SCAPER: variants seen among roughly 807,000 people sequenced by gnomAD.
The protein encoded by SCAPER is S-phase cyclin A associated protein in the ER.
SCAPER carries 98 observed loss-of-function variants against 182.2 expected under a neutral mutation model. The ratio of observed to expected loss-of-function variants is 0.54; its 90% CI spans 0.46 to 0.64. SCAPER has a LOEUF of 0.64. SCAPER is among the 30% of genes least tolerant of loss of function. The pLI, the probability that SCAPER is intolerant of heterozygous loss-of-function variation, is 0.00. For missense variants in SCAPER, 1,432 were observed against 1,690.0 expected, an observed-to-expected ratio of 0.85 and a Z score of 2.68; for synonymous variants, 605 against 564.6, an observed-to-expected ratio of 1.07 and a Z score of -1.01.
chr15:76,827,273 C>T (rs534953482), intron 5 of SCAPER, among the ~76,000 whole-genome samples: 1 of 152,298 alleles, frequency 6.6e-6, no homozygotes, highest in East Asian at 1.9e-4. Flanking sequence ...TTGCATTATG[C>T]CAGTTCCCAA....
chr15:76,708,734 A>G (rs2059403895), intron 17 of SCAPER, among the ~76,000 whole-genome samples: 1 of 152,202 alleles, frequency 6.6e-6, no homozygotes, highest in Non-Finnish European at 1.5e-5. Flanking sequence ...AGCTAGACTA[A>G]TAAGAAAGAA....
At chr15:76,511,871 G>GTGTA (rs1254821810) in intron 23 of SCAPER, among the ~76,000 whole-genome samples, 3 of 100,692 alleles carry the variant, frequency 3.0e-5, no homozygotes, top group African/African-American at 8.3e-5. Flanking sequence ...GTGTGTGTGT[G>GTGTA]TATATATATA....
In SCAPER at chr15:76,393,476, T is replaced by C. The variant is rs543539705; in HGVS notation, c.3467+11048A>G. On this transcript the variant is annotated intron_variant, in intron 27 of 31. Transcript: ENST00000563290. ...AATATTTAGGAATGGGCTGACAGTA[T>C]CAAATAAGAGACTGCAGAGAGAATA... 3.3e-5 allele frequency among the ~76,000 whole-genome samples: 5 copies of C among 152,280 alleles called. No individual in the cohort carries two copies. The East Asian group carries it at 9.6e-4, about 29-fold the overall frequency.
At chr15:76,605,084 C>T (rs2050261535) in intron 22 of SCAPER, among the ~76,000 whole-genome samples, 1 of 152,194 alleles carries the variant, frequency 6.6e-6, no homozygotes, top group Admixed American at 6.5e-5. Flanking sequence ...TGAGAGGGGG[C>T]ATCCCTGTCT....
chr15:76,781,001 C>T (rs1001994992), intron 8 of SCAPER, among the ~76,000 whole-genome samples: 7 of 152,138 alleles, frequency 4.6e-5, no homozygotes, highest in East Asian at 1.9e-4. Context: ...CACAGCTCCC[C>T]GCCAGCAATG....
At chr15:76,841,678 C>A (rs1480729475) in intron 5 of SCAPER, 56 bp downstream of exon 5, 2 of 1,559,052 alleles carry the variant, frequency 1.3e-6, no homozygotes, top group Admixed American at 1.9e-5. Flanking sequence ...TCACATGTAG[C>A]AAAAATTCAA....
At chr15:76,647,328 T>C (rs2054629955) in intron 21 of SCAPER, among the ~76,000 whole-genome samples, 2 of 152,228 alleles carry the variant, frequency 1.3e-5, no homozygotes, top group Admixed American at 1.3e-4. Context: ...ATTGAGTAAC[T>C]AGTATCATAT....
chr15:76,628,093 G>C (rs1373550255), intron 21 of SCAPER, among the ~76,000 whole-genome samples: 2 of 152,158 alleles, frequency 1.3e-5, no homozygotes, highest in African/African-American at 4.8e-5. Flanking sequence ...GTCTTCTTTT[G>C]AGAAGTGTCT....
chr15:76,766,105 A>ATTTG (rs2063098349), intron 11 of SCAPER, among the ~76,000 whole-genome samples: 1 of 151,558 alleles, frequency 6.6e-6, no homozygotes, highest in Non-Finnish European at 1.5e-5. Flanking sequence ...TTATTTATTT[A>ATTTG]TTTATTTTTA....
intron 6 of SCAPER, among the ~76,000 whole-genome samples, chr15:76,803,578 A>G (rs1241266098): frequency 2.0e-5 from 3 of 152,192 alleles, no homozygotes; most frequent in African/African-American, 7.2e-5. Flanking sequence ...TATTTCTCAT[A>G]GTTCTGGATG....
At chr15:76,764,473 T>C (rs752358369) in intron 14 of SCAPER, among the ~76,000 whole-genome samples, 5 of 152,244 alleles carry the variant, frequency 3.3e-5, no homozygotes, top group Non-Finnish European at 7.3e-5. Flanking sequence ...TGTGCATGGC[T>C]ATTTGGCCCA....
At chr15:76,466,999 G>T (rs2049719406) in intron 25 of SCAPER, among the ~76,000 whole-genome samples, 1 of 152,030 alleles carries the variant, frequency 6.6e-6, no homozygotes, top group Admixed American at 6.6e-5. Context: ...TTTCCCCCTT[G>T]CTGTTCTTGT....
At chr15:76,567,306 A>C (rs1411149307) in intron 23 of SCAPER, 1 of 452,828 alleles carries the variant, frequency 2.2e-6, no homozygotes, top group African/African-American at 2.0e-5. Flanking sequence ...GGATTCTTGC[A>C]CTATTTTCCA....
At chr15:76,480,158 G>C (rs542107886) in intron 24 of SCAPER, among the ~76,000 whole-genome samples, 3 of 152,146 alleles carry the variant, frequency 2.0e-5, no homozygotes, top group Non-Finnish European at 4.4e-5. Flanking sequence ...TTTCCAATTC[G>C]TTAGGAAAGG....
intron 24 of SCAPER, among the ~76,000 whole-genome samples, chr15:76,483,222 A>G (rs2051292143): frequency 6.6e-6 from 1 of 151,982 alleles, no homozygotes; most frequent in South Asian, 2.1e-4. Context: ...GACCTTTGAT[A>G]AAGGAGCAAA....
At chr15:76,492,254 G>A (rs1465774147) in intron 24 of SCAPER, among the ~76,000 whole-genome samples, 1 of 152,030 alleles carries the variant, frequency 6.6e-6, no homozygotes, top group Non-Finnish European at 1.5e-5. Flanking sequence ...ATTTTAAAAC[G>A]AGCAAAACCA....
chr15:76,363,202 T>C (rs2041569964), intron 29 of SCAPER, among the ~76,000 whole-genome samples: 1 of 152,262 alleles, frequency 6.6e-6, no homozygotes, highest in Non-Finnish European at 1.5e-5. Context: ...TATTCACTGC[T>C]GTATTCCTAG....
intron 15 of SCAPER, among the ~76,000 whole-genome samples, chr15:76,738,729 T>C (rs571057965): frequency 1.2e-4 from 18 of 152,156 alleles, no homozygotes; most frequent in South Asian, 1.0e-3. Context: ...CATATATGAG[T>C]GTGGCTCATG....
At chr15:76,528,473 T>C (rs1046431676) in intron 23 of SCAPER, among the ~76,000 whole-genome samples, 4 of 152,216 alleles carry the variant, frequency 2.6e-5, no homozygotes, top group African/African-American at 9.7e-5. Flanking sequence ...ATTTTTCTTA[T>C]AAGAAATTAA....
Sources: gnomAD v4.1 joint callset for allele counts (sites outside exome capture counted in the v4.1 genomes callset) on GRCh38, gnomAD v4.1.1 for gene constraint, MANE v1.5 for transcripts, NCBI Gene and HGNC (gene_info 2026-07-23, HGNC 2026-07-21) for gene names.